Variants in GALNT13 observed in about 807,000 individuals in gnomAD.
GALNT13 encodes UDP-GalNAc:polypeptide N-acetylgalactosaminyltransferase 13.
A neutral mutation model predicts 64.2 loss-of-function variants in GALNT13; 28 were observed. The observed-to-expected ratio is 0.44, with a 90% confidence interval of 0.32 to 0.60. The LOEUF is 0.60. Ranked by LOEUF, GALNT13 falls within the 20% of genes least tolerant of loss-of-function variation. The pLI is 0.05. For synonymous variants in GALNT13, 214 were observed against 224.6 expected (o/e 0.95, Z 0.42); for missense variants, 577 against 669.8 (o/e 0.86, Z 1.53).
the GALNT13 span, among the ~76,000 whole-genome samples, chr2:153,842,161 C>T: frequency 6.6e-6 from 1 of 151,928 alleles, no homozygotes; most frequent in Non-Finnish European, 1.5e-5. Flanking sequence ...AATAATCTCT[C>T]CTACAGCATC....
the GALNT13 span, among the ~76,000 whole-genome samples, chr2:153,535,491 G>A: frequency 6.6e-6 from 1 of 152,166 alleles, no homozygotes; most frequent in South Asian, 2.1e-4. Context: ...GTGAATAGGA[G>A]TATGACTAGA....
the GALNT13 span, among the ~76,000 whole-genome samples, chr2:153,458,566 T>C: frequency 6.6e-6 from 1 of 152,306 alleles, no homozygotes; most frequent in African/African-American, 2.4e-5. Context: ...CTATTGATGA[T>C]GCAACACTTC....
chr2:154,435,640 C>T (rs1240735471), intron 11 of GALNT13, among the ~76,000 whole-genome samples: 1 of 152,134 alleles, frequency 6.6e-6, no homozygotes, highest in Non-Finnish European at 1.5e-5. Flanking sequence ...GGCCAAGGGT[C>T]AGCACAGACA....
chr2:153,319,121 G>T, the GALNT13 span, among the ~76,000 whole-genome samples: 13 of 152,216 alleles, frequency 8.5e-5, no homozygotes, highest in Admixed American at 8.5e-4. Flanking sequence ...TGTGCTATTG[G>T]TTATCACTTA....
the GALNT13 span, among the ~76,000 whole-genome samples, chr2:153,632,285 C>T: frequency 6.6e-6 from 1 of 152,234 alleles, no homozygotes; most frequent in East Asian, 1.9e-4. Flanking sequence ...TTGTCCCTAG[C>T]CCCCGCTGAG....
At chr2:154,205,188 T>G (rs1177694876) in intron 4 of GALNT13, among the ~76,000 whole-genome samples, 3 of 152,230 alleles carry the variant, frequency 2.0e-5, no homozygotes, top group African/African-American at 7.2e-5. Context: ...ATAAAATAAC[T>G]GTACTTATTT....
chr2:153,997,647 AT>A (rs1003810158), intron 3 of GALNT13, among the ~76,000 whole-genome samples: 1 of 152,000 alleles, frequency 6.6e-6, no homozygotes, highest in African/African-American at 2.4e-5. Flanking sequence ...CCTTTTTAAA[AT>A]TTTTTTAAAC....
chr2:154,258,665 C>T (rs1404408750), intron 7 of GALNT13, among the ~76,000 whole-genome samples: 1 of 151,738 alleles, frequency 6.6e-6, no homozygotes. Context: ...TAAGTTGACA[C>T]CTGATAGTTT....
chr2:153,522,749 G>A, the GALNT13 span, among the ~76,000 whole-genome samples: 1 of 151,982 alleles, frequency 6.6e-6, no homozygotes, highest in Non-Finnish European at 1.5e-5. Flanking sequence ...TGTGTATTTT[G>A]GATAACGGTG....
chr2:154,403,329 GC>G (rs1284133418), intron 10 of GALNT13, among the ~76,000 whole-genome samples: 2 of 151,938 alleles, frequency 1.3e-5, no homozygotes, highest in Non-Finnish European at 2.9e-5. Flanking sequence ...GGAATTCCAT[GC>G]CTGTAGTCCC....
the GALNT13 span, among the ~76,000 whole-genome samples, chr2:153,393,888 C>T: frequency 2.0e-5 from 3 of 151,550 alleles, no homozygotes; most frequent in African/African-American, 7.3e-5. Context: ...AATTTACCAC[C>T]CTCTATAATC....
chr2:154,155,349 A>G (rs1684346988), intron 4 of GALNT13, among the ~76,000 whole-genome samples: 1 of 152,104 alleles, frequency 6.6e-6, no homozygotes, highest in African/African-American at 2.4e-5. Context: ...TAATTTAAAA[A>G]GCAAAGATTT....
the GALNT13 span, among the ~76,000 whole-genome samples, chr2:153,852,529 A>C: frequency 1.3e-5 from 2 of 152,250 alleles, no homozygotes; most frequent in African/African-American, 4.8e-5. Context: ...GTATAGAACT[A>C]AATGAGAAAT....
At chr2:154,352,772 G>C (rs542805344) in intron 9 of GALNT13, among the ~76,000 whole-genome samples, 1 of 152,252 alleles carries the variant, frequency 6.6e-6, no homozygotes, top group African/African-American at 2.4e-5. Flanking sequence ...CTCCCACTTA[G>C]GGTACCTAGT....
At position 153,936,351 on chromosome 2, in the gene GALNT13, G is replaced by A. The variant is rs115545647; in HGVS notation, c.-104-8043G>A. Among the ~76,000 whole-genome samples, 808 of 152,260 alleles carry A rather than the reference G, an allele frequency of 5.3e-3. 5 individuals carry two copies. Among genetic ancestry groups the A allele is most frequent in the African/African-American group, 0.018 (751 of 41,536 alleles). On this transcript the variant is annotated intron_variant, in intron 2 of 12. Transcript: ENST00000392825. ...TTTATATAATGGACTTGAGCTTTGA[G>A]TTTGGAAAATCTAATACCTTGACTA...
chr2:153,135,876 A>G, the GALNT13 span, among the ~76,000 whole-genome samples: 3 of 152,244 alleles, frequency 2.0e-5, no homozygotes, highest in Middle Eastern at 3.4e-3. Flanking sequence ...TAATTTTTAT[A>G]TATGATTCTG....
the GALNT13 span, among the ~76,000 whole-genome samples, chr2:153,121,814 A>G: frequency 6.6e-6 from 1 of 152,216 alleles, no homozygotes; most frequent in Non-Finnish European, 1.5e-5. Context: ...GATTACAGGC[A>G]TGAGCTACTG....
chr2:153,406,231 CTTT>C, the GALNT13 span, among the ~76,000 whole-genome samples: 8 of 152,142 alleles, frequency 5.3e-5, no homozygotes, highest in Admixed American at 5.2e-4. Flanking sequence ...TTGGAGGCTT[CTTT>C]ATCTTTTAAA....
the GALNT13 span, among the ~76,000 whole-genome samples, chr2:153,076,700 A>G: frequency 2.7e-5 from 4 of 150,654 alleles, no homozygotes; most frequent in African/African-American, 9.9e-5. Flanking sequence ...CATTTTCCTC[A>G]TTGATTTTTT....
Sources: allele counts gnomAD v4.1 joint callset (sites outside exome capture counted in the v4.1 genomes callset), GRCh38; gene constraint gnomAD v4.1.1; transcripts MANE v1.5; gene names NCBI Gene and HGNC (gene_info 2026-07-23, HGNC 2026-07-21).